Variants in TENM1 observed in about 807,000 individuals in gnomAD.
TENM1 encodes the protein teneurin transmembrane protein 1.
TENM1 carries 35 observed loss-of-function variants against 174.8 expected under a neutral mutation model. The ratio of observed to expected loss-of-function variants is 0.20; its 90% CI spans 0.15 to 0.27. TENM1 has a LOEUF of 0.27. Ranked by LOEUF, TENM1 falls within the 10% of genes least tolerant of loss-of-function variation. The probability of loss-of-function intolerance (pLI) is 1.00; values close to 1 mark genes in which losing one functional copy is unlikely to be tolerated. For synonymous variants in TENM1, 781 were observed against 798.7 expected (o/e 0.98, Z 0.37); for missense variants, 1,633 against 2,130.1 (o/e 0.77, Z 4.59).
rs1397133096 is a variant in TENM1, at chrX:124,737,247, G to A, written c.536-50C>T. ...AAAATAGAGACTTACTCTCCCACTTGGCAGTCAGGGAAACCAGCATGACAG... is the reference window on the plus strand; with the variant it reads ...AAAATAGAGACTTACTCTCCCACTTAGCAGTCAGGGAAACCAGCATGACAG... On this transcript the variant is annotated intron_variant, in intron 3 of 31. Coordinates refer to ENST00000422452, the Ensembl canonical transcript of TENM1. 3.6e-6 allele frequency: 4 copies of A among 1,105,908 alleles called. No homozygotes were observed. The South Asian group carries it at 9.0e-5, about 25-fold the overall frequency. 91.1% of individuals were successfully genotyped at this position (1,105,908 alleles called of 1,213,427 possible). A position where few individuals can be genotyped will look rare whatever the true frequency, so the allele number is the denominator to read the frequency against.
chrX:124,379,020 T>C (rs1031693759), exon 32 of TENM1: 3 of 112,345 alleles, frequency 2.7e-5, no homozygotes, highest in Non-Finnish European at 5.6e-5. Flanking sequence ...TGTGGTAACT[T>C]ACAATTACAC....
chrX:125,117,808 C>T, the TENM1 span, among the ~76,000 whole-genome samples: 7 of 111,490 alleles, frequency 6.3e-5, no homozygotes, highest in East Asian at 1.7e-3. Context: ...TTATGGAAAA[C>T]GGAATATTTC....
At chrX:125,046,756 C>T in the TENM1 span, among the ~76,000 whole-genome samples, 4 of 110,843 alleles carry the variant, frequency 3.6e-5, no homozygotes, top group Non-Finnish European at 7.6e-5. Flanking sequence ...ACTAACTTCC[C>T]AAAAAGCCAG....
the TENM1 span, among the ~76,000 whole-genome samples, chrX:125,108,436 T>A: frequency 1.8e-5 from 2 of 111,785 alleles, no homozygotes; most frequent in African/African-American, 6.5e-5. Flanking sequence ...TAAAAAGCTT[T>A]TTAGCCTGGA....
At chrX:124,410,226 A>G (rs2060517558) in intron 25 of TENM1, among the ~76,000 whole-genome samples, 1 of 111,659 alleles carries the variant, frequency 9.0e-6, no homozygotes, top group Non-Finnish European at 1.9e-5. Flanking sequence ...CATATCTACA[A>G]CTATCTGATC....
At chrX:124,709,385 G>T (rs2052989861) in intron 4 of TENM1, among the ~76,000 whole-genome samples, 1 of 110,669 alleles carries the variant, frequency 9.0e-6, no homozygotes, top group Non-Finnish European at 1.9e-5. Flanking sequence ...GGGAATACAG[G>T]CCTGTTGAGG....
At chrX:125,133,887 C>T in the TENM1 span, among the ~76,000 whole-genome samples, 1 of 111,913 alleles carries the variant, frequency 8.9e-6, no homozygotes, top group African/African-American at 3.3e-5. Context: ...TTACCACAAT[C>T]CAAGGTGCCT....
At chrX:125,012,094 AAAC>A in the TENM1 span, among the ~76,000 whole-genome samples, 1 of 111,729 alleles carries the variant, frequency 9.0e-6, no homozygotes, top group Admixed American at 9.5e-5. Flanking sequence ...ACAGAAAACG[AAAC>A]ACCACATGTT....
the TENM1 span, among the ~76,000 whole-genome samples, chrX:125,176,566 C>A: frequency 2.7e-5 from 3 of 111,207 alleles, no homozygotes; most frequent in Non-Finnish European, 3.8e-5. Context: ...ATTCTATGGT[C>A]CCTCTCTATG....
intron 15 of TENM1, 116 bp downstream of exon 18, chrX:124,546,758 T>C (rs957052502): frequency 4.8e-6 from 3 of 627,110 alleles, no homozygotes; most frequent in East Asian, 3.4e-5. Context: ...TAAAAAGAAA[T>C]GAACGTGGAT....
At chrX:124,866,376 A>G (rs758344513) in intron 3 of TENM1, among the ~76,000 whole-genome samples, 16 of 112,259 alleles carry the variant, frequency 1.4e-4, no homozygotes, top group Non-Finnish European at 2.3e-4. Context: ...CTATAAAAAT[A>G]CATAGAAATT....
At chrX:124,581,701 G>T (rs1389223163) in intron 11 of TENM1, among the ~76,000 whole-genome samples, 4 of 101,225 alleles carry the variant, frequency 4.0e-5, no homozygotes, top group African/African-American at 1.4e-4. Context: ...ACTAGCATCT[G>T]TTATTTTTTT....
intron 3 of TENM1, among the ~76,000 whole-genome samples, chrX:124,775,674 G>C (rs2054767041): frequency 8.9e-6 from 1 of 111,989 alleles, no homozygotes; most frequent in Non-Finnish European, 1.9e-5. Context: ...AACTATAAAA[G>C]AAAAGCCAAA....
chrX:124,389,243 G>A (rs376161167), intron 28 of TENM1, among the ~76,000 whole-genome samples: 2 of 112,624 alleles, frequency 1.8e-5, no homozygotes, highest in East Asian at 5.5e-4. Flanking sequence ...CAAAATTTCT[G>A]CGTGTTAAGG....
chrX:124,441,816 T>C (rs1441076825), intron 23 of TENM1, among the ~76,000 whole-genome samples: 3 of 112,266 alleles, frequency 2.7e-5, no homozygotes, highest in Non-Finnish European at 5.6e-5. Context: ...ATAGTTACTA[T>C]GAAAATAGTT....
the TENM1 span, among the ~76,000 whole-genome samples, chrX:125,037,611 T>A: frequency 9.0e-6 from 1 of 111,423 alleles, no homozygotes; most frequent in South Asian, 3.7e-4. Flanking sequence ...TTATAAGCTA[T>A]TGTGCCAAAA....
intron 11 of TENM1, among the ~76,000 whole-genome samples, chrX:124,622,862 A>G (rs1478171308): frequency 9.0e-6 from 1 of 111,576 alleles, no homozygotes; most frequent in Admixed American, 9.5e-5. Context: ...ATTTTTTCCC[A>G]AAGCACTTCA....
chrX:124,873,395 C>G (rs951209957), intron 3 of TENM1, among the ~76,000 whole-genome samples: 1 of 111,590 alleles, frequency 9.0e-6, no homozygotes, highest in African/African-American at 3.2e-5. Flanking sequence ...AAGTGTAGCA[C>G]AGTGGACATC....
chrX:125,124,812 C>G, the TENM1 span, among the ~76,000 whole-genome samples: 1 of 112,065 alleles, frequency 8.9e-6, no homozygotes, highest in African/African-American at 3.2e-5. Context: ...TTTGTCTAAC[C>G]TAGTGAATTA....
Sources: allele counts gnomAD v4.1 joint callset (sites outside exome capture counted in the v4.1 genomes callset), GRCh38; gene constraint gnomAD v4.1.1; transcripts MANE v1.5; gene names NCBI Gene and HGNC (gene_info 2026-07-23, HGNC 2026-07-21).